Variants in CAP2 observed in about 807,000 individuals in gnomAD.
CAP2 encodes the protein adenylyl cyclase-associated protein 2.
In CAP2, 24 loss-of-function variants were observed where a neutral mutation model predicts 57.7. That is an observed-to-expected ratio of 0.42 (90% CI 0.30 to 0.58). CAP2 has a LOEUF of 0.58. Among genes scored for constraint, CAP2 ranks in the 20% least tolerant of loss-of-function variants. The pLI, the probability that CAP2 is intolerant of heterozygous loss-of-function variation, is 0.22. For missense variants in CAP2, 501 were observed against 590.3 expected, an observed-to-expected ratio of 0.85 and a Z score of 1.57; for synonymous variants, 194 against 207.2, an observed-to-expected ratio of 0.94 and a Z score of 0.55.
intron 4 of CAP2, among the ~76,000 whole-genome samples, chr6:17,484,679 C>G (rs958352015): frequency 6.6e-6 from 1 of 152,054 alleles, no homozygotes; most frequent in Admixed American, 6.6e-5. Context: ...TATATGGAGC[C>G]GGGTCCGTGC....
chr6:17,415,535 G>A (rs1467712081), intron 1 of CAP2, among the ~76,000 whole-genome samples: 1 of 152,186 alleles, frequency 6.6e-6, no homozygotes, highest in Non-Finnish European at 1.5e-5. Flanking sequence ...GCCAGTGAGT[G>A]GGCAGGCAAA....
chr6:17,461,143 T>A (rs1352083830), intron 3 of CAP2, among the ~76,000 whole-genome samples: 1 of 151,404 alleles, frequency 6.6e-6, no homozygotes, highest in African/African-American at 2.4e-5. Flanking sequence ...AGTGAGACCA[T>A]GTCTCTAAAA....
At chr6:17,547,638 G>T (rs1264820482) in intron 11 of CAP2, among the ~76,000 whole-genome samples, 1 of 151,954 alleles carries the variant, frequency 6.6e-6, no homozygotes, top group Non-Finnish European at 1.5e-5. Flanking sequence ...TCCGGAGATT[G>T]AGACCATCCT....
At chr6:17,425,101 G>A (rs1009629667) in intron 2 of CAP2, among the ~76,000 whole-genome samples, 2 of 152,132 alleles carry the variant, frequency 1.3e-5, no homozygotes, top group Admixed American at 1.3e-4. Flanking sequence ...ATCACCCTTT[G>A]GGCCTGTGGA....
intron 7 of CAP2, among the ~76,000 whole-genome samples, chr6:17,521,469 G>A (rs144106710): frequency 9.2e-5 from 14 of 152,226 alleles, no homozygotes; most frequent in African/African-American, 3.1e-4. Flanking sequence ...AAATGCACAG[G>A]TAGATAGTAA....
At chr6:17,470,692 G>A (rs902962225) in intron 4 of CAP2, among the ~76,000 whole-genome samples, 3 of 152,146 alleles carry the variant, frequency 2.0e-5, no homozygotes, top group Admixed American at 2.0e-4. Context: ...AGCTGCAAAG[G>A]AGACTGGGGA....
chr6:17,556,499 AG>A lies in CAP2; in HGVS notation c.*58del. 1 of 1,279,338 alleles carries A rather than the reference AG, an allele frequency of 7.8e-7. No homozygotes were observed. The highest frequency in any genetic ancestry group is 1.1e-6 in the Non-Finnish European group (1 of 874,846). 79.2% of individuals were successfully genotyped at this position (1,279,338 alleles called of 1,614,324 possible). A position where few individuals can be genotyped will look rare whatever the true frequency, so the allele number is the denominator to read the frequency against. The stretch of plus-strand genomic sequence containing the variant: ...TCCCCCTCTATCAAACAAACAAAAA[AG>A]CAGCAGTAAAGAGCTAGAAGTTGCA... On this transcript the variant is annotated 3_prime_UTR_variant, in exon 13 of 13. Transcript: ENST00000229922.
At chr6:17,520,771 G>A (rs753036244) in intron 7 of CAP2, among the ~76,000 whole-genome samples, 17 of 152,168 alleles carry the variant, frequency 1.1e-4, no homozygotes, top group Admixed American at 7.2e-4. Flanking sequence ...TGCCTTGTAC[G>A]TTTTCAAGTC....
chr6:17,515,531 G>A (rs183546885), intron 7 of CAP2, among the ~76,000 whole-genome samples: 10 of 152,016 alleles, frequency 6.6e-5, no homozygotes, highest in African/African-American at 2.2e-4. Flanking sequence ...TGGGTGACGG[G>A]ATCATTCACA....
At chr6:17,523,177 T>C (rs1762428876) in intron 7 of CAP2, among the ~76,000 whole-genome samples, 2 of 152,148 alleles carry the variant, frequency 1.3e-5, no homozygotes, top group South Asian at 4.1e-4. Flanking sequence ...GTAGTTAGTA[T>C]GTGACCTAGA....
At chr6:17,426,090 C>T (rs1431196253) in intron 2 of CAP2, among the ~76,000 whole-genome samples, 1 of 151,736 alleles carries the variant, frequency 6.6e-6, no homozygotes, top group East Asian at 1.9e-4. Context: ...GAGACCCTGT[C>T]TCAAAAAACA....
chr6:17,462,654 G>A (rs1314185299), intron 3 of CAP2, among the ~76,000 whole-genome samples: 1 of 152,134 alleles, frequency 6.6e-6, no homozygotes, highest in Admixed American at 6.5e-5. Context: ...TCATACAAAT[G>A]TACTCTTTTG....
intron 4 of CAP2, among the ~76,000 whole-genome samples, chr6:17,474,962 C>T (rs556027644): frequency 2.6e-5 from 4 of 152,042 alleles, no homozygotes; most frequent in South Asian, 4.2e-4. Context: ...TTTGGGAGGC[C>T]GAGGCGGGCG....
intron 11 of CAP2, among the ~76,000 whole-genome samples, chr6:17,548,572 T>C (rs570780749): frequency 6.6e-6 from 1 of 152,292 alleles, no homozygotes; most frequent in Admixed American, 6.5e-5. Context: ...CTCAGCTATT[T>C]AATGTGAGTT....
intron 1 of CAP2, among the ~76,000 whole-genome samples, chr6:17,403,548 G>A (rs1486750347): frequency 1.3e-5 from 2 of 152,148 alleles, no homozygotes; most frequent in African/African-American, 4.8e-5. Flanking sequence ...TATTTGTGTT[G>A]TTTTCTAAGT....
intron 3 of CAP2, among the ~76,000 whole-genome samples, chr6:17,448,404 T>C (rs549062257): frequency 6.6e-6 from 1 of 152,384 alleles, no homozygotes; most frequent in South Asian, 2.1e-4. Flanking sequence ...TTTGTGGCTA[T>C]ACAGTGATTG....
At chr6:17,442,507 T>G (rs988256818) in intron 3 of CAP2, among the ~76,000 whole-genome samples, 1 of 152,150 alleles carries the variant, frequency 6.6e-6, no homozygotes, top group African/African-American at 2.4e-5. Flanking sequence ...CACTTGCATC[T>G]GGGAAAAAAC....
chr6:17,539,641 G>T (rs775553585), intron 8 of CAP2, among the ~76,000 whole-genome samples, 183 bp downstream of exon 8: 10 of 152,150 alleles, frequency 6.6e-5, no homozygotes, highest in Non-Finnish European at 1.5e-4. Context: ...ATGCAGACGG[G>T]CTCAGGGGGT....
At chr6:17,467,258 T>C (rs889076206) in intron 4 of CAP2, among the ~76,000 whole-genome samples, 6 of 152,222 alleles carry the variant, frequency 3.9e-5, no homozygotes, top group Non-Finnish European at 8.8e-5. Flanking sequence ...TAAATGGATA[T>C]TGTTTTAAGC....
Sources: allele counts gnomAD v4.1 joint callset (sites outside exome capture counted in the v4.1 genomes callset), GRCh38; gene constraint gnomAD v4.1.1; transcripts MANE v1.5; gene names NCBI Gene and HGNC (gene_info 2026-07-23, HGNC 2026-07-21).